Variants in GALNT1 observed in about 807,000 individuals in gnomAD.
GALNT1 encodes the protein polypeptide N-acetylgalactosaminyltransferase 1, also known as GalNAc transferase 1.
A neutral mutation model predicts 65.7 loss-of-function variants in GALNT1; 17 were observed. The observed-to-expected ratio is 0.26, with a 90% CI of 0.18 to 0.39. The LOEUF (loss-of-function observed/expected upper bound fraction) is 0.39. Ranked by LOEUF, GALNT1 falls within the 10% of genes least tolerant of loss-of-function variation. The probability of loss-of-function intolerance (pLI) is 1.00; values close to 1 mark genes in which losing one functional copy is unlikely to be tolerated. For synonymous variants in GALNT1, 210 were observed against 219.7 expected (o/e 0.96, Z 0.39); for missense variants, 460 against 672.8 (o/e 0.68, Z 3.50).
intron 9 of GALNT1, among the ~76,000 whole-genome samples, chr18:35,700,396 C>T (rs1227968472): frequency 1.3e-5 from 2 of 152,306 alleles, no homozygotes; most frequent in Middle Eastern, 3.4e-3. Context: ...CCTCCAGGCG[C>T]CACCAGGAGC....
At chr18:35,591,125 G>C (rs1028650955) in intron 1 of GALNT1, among the ~76,000 whole-genome samples, 8 of 152,186 alleles carry the variant, frequency 5.3e-5, no homozygotes, top group African/African-American at 1.9e-4. Flanking sequence ...GAGAGTCTTT[G>C]AACAGGGCTG....
intron 9 of GALNT1, among the ~76,000 whole-genome samples, chr18:35,701,228 TG>T (rs2048157994): frequency 6.6e-6 from 1 of 152,146 alleles, no homozygotes; most frequent in Admixed American, 6.6e-5. Flanking sequence ...TGAGCCACCA[TG>T]CCTAAGATTT....
At chr18:35,677,070 C>T (rs995382820) in intron 3 of GALNT1, among the ~76,000 whole-genome samples, 4 of 152,188 alleles carry the variant, frequency 2.6e-5, no homozygotes, top group African/African-American at 9.6e-5. Flanking sequence ...TGCCTCCTCG[C>T]TATCCCTGCC....
At chr18:35,637,817 G>C (rs923637264) in intron 1 of GALNT1, among the ~76,000 whole-genome samples, 1 of 152,216 alleles carries the variant, frequency 6.6e-6, no homozygotes, top group African/African-American at 2.4e-5. Flanking sequence ...GACTGACTTT[G>C]TTAGTAGGTG....
chr18:35,706,374 C>T (rs1182436726), intron 11 of GALNT1, among the ~76,000 whole-genome samples: 4 of 152,020 alleles, frequency 2.6e-5, no homozygotes, highest in African/African-American at 7.2e-5. Flanking sequence ...TGGTGGCAGG[C>T]ACCTGTAGTC....
At chr18:35,695,906 T>C (rs2048048361) in intron 9 of GALNT1, among the ~76,000 whole-genome samples, 1 of 152,160 alleles carries the variant, frequency 6.6e-6, no homozygotes, top group African/African-American at 2.4e-5. Context: ...TGTTTTTGTT[T>C]TGTTTTTTTT....
chr18:35,607,310 G>A (rs1002385392), intron 1 of GALNT1, among the ~76,000 whole-genome samples: 10 of 152,126 alleles, frequency 6.6e-5, no homozygotes, highest in Non-Finnish European at 7.4e-5. Flanking sequence ...TGTCCTCATG[G>A]AGTCCTTGAG....
At chr18:35,654,028 A>G (rs925752889) in intron 1 of GALNT1, among the ~76,000 whole-genome samples, 5 of 152,342 alleles carry the variant, frequency 3.3e-5, no homozygotes, top group Middle Eastern at 3.4e-3. Context: ...GGAGAACTCT[A>G]TTAATTCTTG....
At chr18:35,636,944 A>G (rs373729315) in intron 1 of GALNT1, among the ~76,000 whole-genome samples, 17 of 151,966 alleles carry the variant, frequency 1.1e-4, no homozygotes, top group African/African-American at 2.7e-4. Flanking sequence ...TTTCATTATT[A>G]TATCTGTTGT....
intron 1 of GALNT1, among the ~76,000 whole-genome samples, chr18:35,650,388 C>T (rs116291467): frequency 7.9e-5 from 12 of 152,106 alleles, no homozygotes; most frequent in Middle Eastern, 3.4e-3. Context: ...AGGATCGTGG[C>T]GAAATTAAAA....
chr18:35,585,982 C>T (rs1029646156), intron 1 of GALNT1, among the ~76,000 whole-genome samples: 3 of 152,108 alleles, frequency 2.0e-5, no homozygotes, highest in Admixed American at 2.0e-4. Flanking sequence ...GGGATATATG[C>T]CCAGGAGTAC....
intron 1 of GALNT1, among the ~76,000 whole-genome samples, chr18:35,650,171 C>A (rs562886686): frequency 6.6e-6 from 1 of 152,058 alleles, no homozygotes; most frequent in East Asian, 1.9e-4. Context: ...GGAGAGAGTA[C>A]AAAAGAGAAA....
rs755862603 is a variant in GALNT1 at position 35,663,710 on chromosome 18, G to A, written c.222G>A (p.Lys74=). 43 of 1,613,888 alleles carry A rather than the reference G, an allele frequency of 2.7e-5. No homozygotes were observed. Among genetic ancestry groups the A allele is most frequent in the Middle Eastern group, 3.3e-4 (2 of 6,076 alleles). ...TCATTCCTAAAGAGGATCAAGAAAA[G>A]ATGAAAGAGATGTTTAAAATCAATC... The part of the protein sequence containing the change: ...PVVIPKEDQE[K]MKEMFKINQF... The change falls in exon 3 of 12, where the codon AAG becomes AAA. Residue 74 remains lysine, a synonymous_variant. Transcript: ENST00000269195.
At position 35,709,711 on chromosome 18, in the gene GALNT1, A is replaced by C. The variant is rs1052733833; in HGVS notation, c.1621A>C (p.Asn541His). ...DSQVPSIRDCNGSRSQQWLLR... is the reference protein window; with the variant it reads ...DSQVPSIRDCHGSRSQQWLLR... ...CCAGGTGCCCAGCATTAGAGACTGCAATGGAAGTCGGTCCCAGCAGTGGCT... is the reference window on the plus strand; with the variant it reads ...CCAGGTGCCCAGCATTAGAGACTGCCATGGAAGTCGGTCCCAGCAGTGGCT... Residue 541 changes from asparagine (N) to histidine (H), a missense_variant, in exon 12 of 12, where the codon AAT becomes CAT. Physicochemically the swap from Asn to His is moderately conservative, Grantham distance 68. Transcript: ENST00000269195. The C allele has an allele frequency of 3.7e-6, 6 of 1,614,074 alleles. No homozygotes were observed. Among genetic ancestry groups the C allele is most frequent in the Non-Finnish European group, 5.1e-6 (6 of 1,179,976 alleles).
chr18:35,607,759 A>AAG (rs2046669831), intron 1 of GALNT1, among the ~76,000 whole-genome samples: 1 of 152,150 alleles, frequency 6.6e-6, no homozygotes, highest in Non-Finnish European at 1.5e-5. Context: ...CGGTCATGCT[A>AAG]CAGTCCTTTT....
intron 1 of GALNT1, among the ~76,000 whole-genome samples, chr18:35,630,436 TC>T (rs1486279117): frequency 1.3e-5 from 2 of 152,110 alleles, no homozygotes; most frequent in African/African-American, 4.8e-5. Flanking sequence ...AACTGAACAA[TC>T]TGCTTCTGAA....
At chr18:35,582,279 C>A (rs1020281574) in intron 1 of GALNT1, among the ~76,000 whole-genome samples, 39 of 152,222 alleles carry the variant, frequency 2.6e-4, no homozygotes, top group African/African-American at 9.1e-4. Flanking sequence ...CTTCCCGGCC[C>A]GCTGCCCCCG....
intron 1 of GALNT1, among the ~76,000 whole-genome samples, chr18:35,650,245 A>G (rs2047293084): frequency 6.6e-6 from 1 of 152,168 alleles, no homozygotes. Flanking sequence ...CCCGAGCCGT[A>G]AAACCAGCAA....
At chr18:35,585,119 C>G (rs61434512) in intron 1 of GALNT1, among the ~76,000 whole-genome samples, 15,094 of 152,130 alleles carry the variant, frequency 0.099, 933 homozygotes, top group African/African-American at 0.18. Context: ...TTGGGGAGGA[C>G]GGCTTCTCTG....
Sources: allele counts gnomAD v4.1 joint callset (sites outside exome capture counted in the v4.1 genomes callset), GRCh38; gene constraint gnomAD v4.1.1; transcripts MANE v1.5; gene names NCBI Gene and HGNC (gene_info 2026-07-23, HGNC 2026-07-21).